PARD3: variants seen among roughly 807,000 people sequenced by gnomAD.
The protein encoded by PARD3 is partitioning defective 3 homolog.
PARD3 carries 75 observed loss-of-function variants against 155.4 expected under a neutral mutation model. That is an observed-to-expected ratio of 0.48 (90% CI 0.40 to 0.58). The LOEUF (loss-of-function observed/expected upper bound fraction) is 0.58. Among genes scored for constraint, PARD3 ranks in the 20% least tolerant of loss-of-function variants. The pLI is 0.00. For synonymous variants in PARD3, 576 were observed against 610.5 expected, an observed-to-expected ratio of 0.94 and a Z score of 0.83; for missense variants, 1,642 against 1,721.7, an observed-to-expected ratio of 0.95 and a Z score of 0.82.
chr10:34,668,530 G>A (rs561513431), intron 2 of PARD3, among the ~76,000 whole-genome samples: 39 of 152,238 alleles, frequency 2.6e-4, no homozygotes, highest in African/African-American at 7.7e-4. Context: ...AAAAACAGAC[G>A]TCTCTCCTCC....
At chr10:34,150,560 C>T (rs1948728224) in intron 22 of PARD3, among the ~76,000 whole-genome samples, 1 of 152,116 alleles carries the variant, frequency 6.6e-6, no homozygotes, top group South Asian at 2.1e-4. Flanking sequence ...TTACAATGTG[C>T]TGGGTTTGAG....
At chr10:34,642,952 C>G (rs767504397) in intron 2 of PARD3, among the ~76,000 whole-genome samples, 3 of 152,178 alleles carry the variant, frequency 2.0e-5, no homozygotes, top group Non-Finnish European at 4.4e-5. Context: ...CCTTCATATG[C>G]CCAGAAGGGC....
intron 22 of PARD3, among the ~76,000 whole-genome samples, chr10:34,220,205 A>G (rs1324526189): frequency 6.6e-6 from 1 of 152,188 alleles, no homozygotes; most frequent in Non-Finnish European, 1.5e-5. Flanking sequence ...ATCAAATGAA[A>G]AAATCTTTAA....
At chr10:34,145,999 GA>G (rs1240947626) in intron 22 of PARD3, among the ~76,000 whole-genome samples, 1 of 152,132 alleles carries the variant, frequency 6.6e-6, no homozygotes, top group African/African-American at 2.4e-5. Context: ...CATGTCTTCC[GA>G]AGAGAATCTA....
At chr10:34,226,993 A>G (rs1952632582) in intron 22 of PARD3, among the ~76,000 whole-genome samples, 1 of 152,256 alleles carries the variant, frequency 6.6e-6, no homozygotes, top group Non-Finnish European at 1.5e-5. Context: ...CTCAAAAGCA[A>G]TTGGAACACA....
At chr10:34,335,700 C>CA (rs996851904) in intron 18 of PARD3, among the ~76,000 whole-genome samples, 1 of 151,928 alleles carries the variant, frequency 6.6e-6, no homozygotes, top group African/African-American at 2.4e-5. Context: ...ATTCCAGCAT[C>CA]AAAAAAAGAA....
chr10:34,273,819 A>G (rs1288133840), intron 21 of PARD3, among the ~76,000 whole-genome samples: 1 of 152,042 alleles, frequency 6.6e-6, no homozygotes, highest in Non-Finnish European at 1.5e-5. Flanking sequence ...TATCACCATC[A>G]CCCCACTCTT....
At chr10:34,561,166 T>G (rs2085438719) in intron 2 of PARD3, among the ~76,000 whole-genome samples, 1 of 152,126 alleles carries the variant, frequency 6.6e-6, no homozygotes, top group Non-Finnish European at 1.5e-5. Flanking sequence ...TTGAGGGGTG[T>G]GAGGTGGGAG....
chr10:34,173,641 C>T (rs989745777), intron 22 of PARD3, among the ~76,000 whole-genome samples: 7 of 152,120 alleles, frequency 4.6e-5, no homozygotes, highest in African/African-American at 1.7e-4. Context: ...AATGGCAAAG[C>T]TAGGAAAAGT....
In PARD3 at chr10:34,618,350, G is replaced by A. The variant is rs79892090; in HGVS notation, c.222+77968C>T. On this transcript the variant is annotated intron_variant, in intron 2 of 24. Transcript: ENST00000374788. Reference sequence around the variant, plus strand: ...AGTTTGCTTCAAAATAGTGACTCCCGCAAACACTGAAATAGATTCCTTTTC... The same window carrying A: ...AGTTTGCTTCAAAATAGTGACTCCCACAAACACTGAAATAGATTCCTTTTC... 8.2e-3 allele frequency among the ~76,000 whole-genome samples: 1,249 copies of A among 152,186 alleles called. 15 individuals carry two copies. The highest frequency in any genetic ancestry group is 0.028 in the African/African-American group (1,176 of 41,524).
At chr10:34,284,546 A>C (rs1005762548) in intron 20 of PARD3, among the ~76,000 whole-genome samples, 1 of 152,242 alleles carries the variant, frequency 6.6e-6, no homozygotes, top group Non-Finnish European at 1.5e-5. Flanking sequence ...CAATTAATAC[A>C]TCTGTAGGAC....
At chr10:34,283,496 C>G (rs1466808845) in intron 21 of PARD3, among the ~76,000 whole-genome samples, 1 of 152,116 alleles carries the variant, frequency 6.6e-6, no homozygotes, top group Non-Finnish European at 1.5e-5. Context: ...CGAGTGCCTG[C>G]TTAGAGTAAC....
chr10:34,674,375 C>T (rs11009860), intron 2 of PARD3, among the ~76,000 whole-genome samples: 2,887 of 152,132 alleles, frequency 0.019, 95 homozygotes, highest in African/African-American at 0.066. Context: ...TGCCACCCTG[C>T]GCTCACTGCC....
In PARD3 at chr10:34,581,229, C is replaced by CTTTTT. The variant is rs1564376327; in HGVS notation, c.223-64071_223-64070insAAAAA. ...ATTTATTTTGGTTATTTTTCTTTTT[C>CTTTTT]TTTTCTTTTTTTTTTTTTTTTTTGA... is the stretch of plus-strand genomic sequence containing the variant. On this transcript the variant is annotated intron_variant, in intron 2 of 24. Transcript: ENST00000374788. 1.4e-3 allele frequency among the ~76,000 whole-genome samples: 132 copies of CTTTTT among 95,084 alleles called. 1 individual carries two copies. Among genetic ancestry groups the CTTTTT allele is most frequent in the African/African-American group, 5.7e-3 (126 of 22,070 alleles). 62.4% of individuals were successfully genotyped at this position (95,084 alleles called of 152,430 possible). A position where few individuals can be genotyped will look rare whatever the true frequency, so the allele number is the denominator to read the frequency against.
chr10:34,308,990 C>T (rs2134072457), intron 20 of PARD3, among the ~76,000 whole-genome samples: 1 of 152,028 alleles, frequency 6.6e-6, no homozygotes, highest in East Asian at 1.9e-4. Flanking sequence ...TGCCAGTGGA[C>T]CACGATGAGG....
At chr10:34,785,913 T>C (rs1010902039) in intron 1 of PARD3, among the ~76,000 whole-genome samples, 2 of 152,254 alleles carry the variant, frequency 1.3e-5, no homozygotes, top group South Asian at 2.1e-4. Context: ...GCACTTTGTA[T>C]GTTCGCCTGA....
At chr10:34,487,228 G>A (rs1277540857) in intron 3 of PARD3, among the ~76,000 whole-genome samples, 2 of 151,906 alleles carry the variant, frequency 1.3e-5, no homozygotes, top group African/African-American at 2.4e-5. Flanking sequence ...GGCAGGCATT[G>A]CCATCTCTGA....
At chr10:34,290,331 A>G (rs1956617178) in intron 20 of PARD3, among the ~76,000 whole-genome samples, 1 of 152,218 alleles carries the variant, frequency 6.6e-6, no homozygotes, top group Admixed American at 6.5e-5. Context: ...AAGGTTTAGC[A>G]ATAGTCTTTA....
At chr10:34,231,115 T>TTCTCA (rs1952902484) in intron 22 of PARD3, among the ~76,000 whole-genome samples, 8 of 151,954 alleles carry the variant, frequency 5.3e-5, no homozygotes, top group Admixed American at 1.3e-4. Context: ...TTTCTCAGTT[T>TTCTCA]GTCATATTTG....
Sources: gnomAD v4.1 joint callset for allele counts (sites outside exome capture counted in the v4.1 genomes callset) on GRCh38, gnomAD v4.1.1 for gene constraint, MANE v1.5 for transcripts, NCBI Gene and HGNC (gene_info 2026-07-23, HGNC 2026-07-21) for gene names.